SCMH1: variants seen among roughly 807,000 people sequenced by gnomAD.
SCMH1 encodes the protein polycomb protein SCMH1.
A neutral mutation model predicts 70.8 loss-of-function variants in SCMH1; 37 were observed. The ratio of observed to expected loss-of-function variants is 0.52; its 90% CI spans 0.40 to 0.69. SCMH1 has a LOEUF of 0.69. Among genes scored for constraint, SCMH1 ranks in the 30% least tolerant of loss-of-function variants. The pLI, the probability that SCMH1 is intolerant of heterozygous loss-of-function variation, is 0.00. For synonymous variants in SCMH1, 292 were observed against 307.4 expected (o/e 0.95, Z 0.52); for missense variants, 607 against 827.3 (o/e 0.73, Z 3.27).
chr1:41,033,567 C>T lies in SCMH1; in HGVS notation c.1678+3795G>A, dbSNP rs565560763. On this transcript the variant is annotated intron_variant, in intron 13 of 14. Coordinates refer to ENST00000337495, the Ensembl canonical transcript of SCMH1. Reference sequence around the variant, plus strand: ...CTATGGCAAAGCTCTCCCCATCGCCCCTCAATGTGTACGGCTGGCACTTAC... The same window carrying T: ...CTATGGCAAAGCTCTCCCCATCGCCTCTCAATGTGTACGGCTGGCACTTAC... Among the ~76,000 whole-genome samples, 6 of 152,226 alleles carry T rather than the reference C, an allele frequency of 3.9e-5. No homozygotes were observed. The South Asian group carries it at 1.2e-3, about 32-fold the overall frequency.
chr1:41,117,004 C>T (rs1454388964), exon 7 of SCMH1: 4 of 1,603,198 alleles, frequency 2.5e-6, no homozygotes, highest in East Asian at 2.3e-5. Context: ...CGCATTCAGC[C>T]GAAATCCTGC....
At chr1:41,122,330 T>C (rs1672149402) in intron 6 of SCMH1, among the ~76,000 whole-genome samples, 1 of 152,188 alleles carries the variant, frequency 6.6e-6, no homozygotes, top group Non-Finnish European at 1.5e-5. Flanking sequence ...ATCAACTCTT[T>C]ACAGTTAGTT....
Position 41,048,241 on chromosome 1 carries a change from T to C in SCMH1, c.1306+449A>G, listed in dbSNP as rs566545114. On this transcript the variant is annotated intron_variant, in intron 11 of 14. Transcript: ENST00000337495. ...AGCAGTAAAGAAAAAGGAAATGACT[T>C]TTCCCAACCACCCTGGGATTTAATT... is the stretch of plus-strand genomic sequence containing the variant. 5.9e-5 allele frequency among the ~76,000 whole-genome samples: 9 copies of C among 152,300 alleles called. 1 individual carries two copies. In the South Asian group the frequency reaches 1.9e-3, roughly 32 times the overall value.
At chr1:41,104,277 G>A (rs1667333663) in intron 8 of SCMH1, among the ~76,000 whole-genome samples, 1 of 152,180 alleles carries the variant, frequency 6.6e-6, no homozygotes, top group South Asian at 2.1e-4. Flanking sequence ...GTGAATAAAG[G>A]ACGGATTTAC....
chr1:41,118,441 T>C lies in SCMH1; in HGVS notation c.413-1431A>G, dbSNP rs535685174. Among the ~76,000 whole-genome samples, 7 of 152,198 alleles carry C rather than the reference T, an allele frequency of 4.6e-5. No individual in the cohort carries two copies. The East Asian group carries it at 9.6e-4, about 21-fold the overall frequency. On this transcript the variant is annotated intron_variant, in intron 6 of 14. Transcript: ENST00000337495. ...TAATCTCTTAAGAAGAAACCAAACA[T>C]GTCAACCGATAAACCCAATATATAA... is the stretch of plus-strand genomic sequence containing the variant.
intron 2 of SCMH1, among the ~76,000 whole-genome samples, chr1:41,182,186 C>G (rs1035260162): frequency 6.6e-6 from 1 of 152,050 alleles, no homozygotes; most frequent in African/African-American, 2.4e-5. Context: ...ACATCACACA[C>G]CGGGGCCTGT....
chr1:41,135,866 G>A (rs1643224274), intron 6 of SCMH1, among the ~76,000 whole-genome samples: 1 of 151,032 alleles, frequency 6.6e-6, no homozygotes, highest in Non-Finnish European at 1.5e-5. Flanking sequence ...TGCTCCTTAA[G>A]GTTTGGTAAT....
In SCMH1 at chr1:41,206,330, A is replaced by G. The variant is rs537646227; in HGVS notation, c.-117-20080T>C. Among the ~76,000 whole-genome samples the G allele has an allele frequency of 2.7e-4, 41 of 152,312 alleles. 1 individual carries two copies. The South Asian group carries it at 3.7e-3, about 14-fold the overall frequency. ...TTAGATGAATGGCTAACTAGAATAA[A>G]CAGTGTAGAGAAGACCTTAAACGAC... On this transcript the variant is annotated intron_variant, in intron 1 of 14. Coordinates refer to ENST00000337495, the Ensembl canonical transcript of SCMH1.
intron 1 of SCMH1, among the ~76,000 whole-genome samples, chr1:41,205,582 C>T: frequency 6.6e-6 from 1 of 152,206 alleles, no homozygotes; most frequent in Non-Finnish European, 1.5e-5. Context: ...AACAAAGTGG[C>T]CAGGAAGCTC....
upstream of SCMH1, chr1:41,242,210 T>C (rs964228647): frequency 1.2e-5 from 1 of 86,382 alleles, no homozygotes; most frequent in African/African-American, 4.3e-5. The surrounding 1 kb of genome is among the most constrained non-coding windows in gnomAD (Gnocchi z 5.2). Context: ...GAGCTGGCGG[T>C]GGCGGCTGAG....
chr1:41,096,225 G>A (rs1490257014), intron 8 of SCMH1, among the ~76,000 whole-genome samples: 1 of 152,088 alleles, frequency 6.6e-6, no homozygotes, highest in Non-Finnish European at 1.5e-5. Context: ...ACTGAAAGTT[G>A]GAAGCAACCT....
intron 8 of SCMH1, among the ~76,000 whole-genome samples, chr1:41,093,414 T>C (rs1468460797): frequency 6.6e-6 from 1 of 151,204 alleles, no homozygotes; most frequent in African/African-American, 2.4e-5. Flanking sequence ...GAGATATACC[T>C]AATGTAAATG....
chr1:41,137,157 T>C (rs868154414), intron 6 of SCMH1, among the ~76,000 whole-genome samples: 3 of 152,300 alleles, frequency 2.0e-5, no homozygotes, highest in Middle Eastern at 6.8e-3. Context: ...ATCTTTTTTT[T>C]CTTCTTGCTT....
At chr1:41,028,437 C>T in intron 14 of SCMH1, 118 bp from the exon 16 acceptor site, 1 of 1,509,434 alleles carries the variant, frequency 6.6e-7, no homozygotes, top group Non-Finnish European at 9.1e-7. Context: ...ACATGGAGTC[C>T]AGTTCACCTG....
At position 41,241,642 on chromosome 1, in the gene SCMH1, C is replaced by T. The variant is rs566406861; in HGVS notation, c.-118+417G>A. On this transcript the variant is annotated intron_variant, in intron 1 of 14. Transcript: ENST00000337495. ...CAGACGGGGTCGCGCCGCCGCCCGG[C>T]CCTCGGCCCCCAGCCAGCCTGCCCC... is the stretch of plus-strand genomic sequence containing the variant. Among the ~76,000 whole-genome samples the T allele has an allele frequency of 2.7e-4, 41 of 152,154 alleles. 1 individual carries two copies. The Middle Eastern group carries it at 0.024, about 89-fold the overall frequency.
rs528974529 is a variant in SCMH1, at chr1:41,057,368, C to T, written c.1106-8478G>A. 2.8e-4 allele frequency among the ~76,000 whole-genome samples: 43 copies of T among 152,150 alleles called. 1 individual carries two copies. Among genetic ancestry groups the T allele is most frequent in the Middle Eastern group, 3.4e-3 (1 of 294 alleles). ...GCAACCTCCGCCTCCCGGGTTCAAG[C>T]GATTCTCCTGCCTCAGCCTCCACCA... On this transcript the variant is annotated intron_variant, in intron 10 of 14. Coordinates refer to ENST00000337495, the Ensembl canonical transcript of SCMH1.
intron 10 of SCMH1, among the ~76,000 whole-genome samples, chr1:41,057,498 C>T (rs563006708): frequency 6.6e-6 from 1 of 152,236 alleles, no homozygotes; most frequent in African/African-American, 2.4e-5. Flanking sequence ...GATCTGCCCA[C>T]CTTGACCTCC....
intron 13 of SCMH1, among the ~76,000 whole-genome samples, chr1:41,036,355 A>G (rs966498820): frequency 6.6e-6 from 1 of 152,118 alleles, no homozygotes; most frequent in Non-Finnish European, 1.5e-5. Flanking sequence ...TGGCACCACC[A>G]TCTATCTGGC....
At chr1:41,032,005 C>CA (rs35106670) in intron 13 of SCMH1, among the ~76,000 whole-genome samples, 16,468 of 152,170 alleles carry the variant, frequency 0.11, 1,268 homozygotes, top group East Asian at 0.28. Context: ...TCTCATCAAA[C>CA]ACGGTGCAGA....
Sources: allele counts gnomAD v4.1 joint callset (sites outside exome capture counted in the v4.1 genomes callset), GRCh38; gene constraint gnomAD v4.1.1; non-coding constraint Gnocchi (gnomAD v3.1); transcripts MANE v1.5; gene names NCBI Gene and HGNC (gene_info 2026-07-23, HGNC 2026-07-21).